C2CD5: variants seen among roughly 807,000 people sequenced by gnomAD.
The protein encoded by C2CD5 is C2 calcium dependent domain containing 5, also known as C2 domain-containing protein 5.
Under a neutral mutation model 130.3 loss-of-function variants are expected in C2CD5, and 109 were observed. The observed-to-expected ratio is 0.84, with a 90% CI of 0.72 to 0.98. C2CD5 has a LOEUF of 0.98. Ranked by LOEUF, C2CD5 falls within the 50% of genes least tolerant of loss-of-function variation. The probability of loss-of-function intolerance (pLI) is 0.00; values close to 1 mark genes in which losing one functional copy is unlikely to be tolerated. For synonymous variants in C2CD5, 454 were observed against 429.2 expected (o/e 1.06, Z -0.71); for missense variants, 996 against 1,261.8 (o/e 0.79, Z 3.19).
intron 22 of C2CD5, among the ~76,000 whole-genome samples, chr12:22,461,777 C>T (rs1565651287): frequency 6.6e-6 from 1 of 152,092 alleles, no homozygotes; most frequent in Non-Finnish European, 1.5e-5. Context: ...TGTTTATTCC[C>T]TGCCCTCAAA....
At chr12:22,539,095 A>G (rs1952094258) in intron 2 of C2CD5, among the ~76,000 whole-genome samples, 1 of 152,078 alleles carries the variant, frequency 6.6e-6, no homozygotes, top group African/African-American at 2.4e-5. Context: ...CTTCATAGCC[A>G]TACATCTTGA....
intron 26 of C2CD5, among the ~76,000 whole-genome samples, chr12:22,451,723 A>T (rs942428738): frequency 6.6e-6 from 1 of 152,074 alleles, no homozygotes; most frequent in East Asian, 1.9e-4. Context: ...GTTCATTTGG[A>T]AAACCAAACA....
chr12:22,477,316 G>A (rs901984312), intron 15 of C2CD5: 21 of 151,892 alleles, frequency 1.4e-4, no homozygotes, highest in South Asian at 8.3e-4. Flanking sequence ...TGTGGCCAGC[G>A]GCTACCACAG....
In C2CD5 at chr12:22,502,045, A is replaced by C. The variant is rs117863224; in HGVS notation, c.1147+4666T>G. Among the ~76,000 whole-genome samples, 302 of 145,822 alleles carry C rather than the reference A, an allele frequency of 2.1e-3. 8 individuals are homozygous for C. The East Asian group carries it at 0.05, about 24-fold the overall frequency. ...TAGAAATGTACATTATGTTTTTATC[A>C]AAAAAAAAAATTAATTACTTTTGAC... On this transcript the variant is annotated intron_variant, in intron 10 of 26. Coordinates refer to ENST00000446597, the MANE Select transcript of C2CD5 (RefSeq NM_001286176.2).
At chr12:22,477,787 TA>T (rs796507239) in intron 15 of C2CD5, among the ~76,000 whole-genome samples, 1 of 152,106 alleles carries the variant, frequency 6.6e-6, no homozygotes, top group Admixed American at 6.6e-5. Context: ...AGCAAATTTG[TA>T]AAAAAAGAAA....
chr12:22,453,300 T>C (rs530022500), intron 26 of C2CD5, among the ~76,000 whole-genome samples: 96 of 152,322 alleles, frequency 6.3e-4, no homozygotes, highest in African/African-American at 2.0e-3. Flanking sequence ...GGATTTTTGA[T>C]GTGTGCCAAG....
At chr12:22,503,636 A>G (rs978302886) in intron 10 of C2CD5, among the ~76,000 whole-genome samples, 2 of 151,968 alleles carry the variant, frequency 1.3e-5, no homozygotes, top group Non-Finnish European at 2.9e-5. Flanking sequence ...TCAGCCTCCC[A>G]AGTAGCTAGG....
At chr12:22,452,869 C>A (rs1939006386) in intron 26 of C2CD5, among the ~76,000 whole-genome samples, 2 of 152,128 alleles carry the variant, frequency 1.3e-5, no homozygotes, top group Non-Finnish European at 2.9e-5. Context: ...GAGTTCAAGT[C>A]CAGCCTGGGT....
chr12:22,503,503 G>C (rs548995050), intron 10 of C2CD5, among the ~76,000 whole-genome samples: 2 of 152,156 alleles, frequency 1.3e-5, no homozygotes, highest in South Asian at 4.1e-4. Flanking sequence ...ACAATCCGAA[G>C]AATGTGACAT....
chr12:22,460,571 C>A (rs1465636681), intron 22 of C2CD5: 1 of 151,762 alleles, frequency 6.6e-6, no homozygotes, highest in Non-Finnish European at 1.5e-5. Flanking sequence ...CTCACCACAC[C>A]CCACCAACAC....
At chr12:22,523,241 C>T (rs562180932) in intron 7 of C2CD5, among the ~76,000 whole-genome samples, 185 bp downstream of exon 7, 14 of 151,870 alleles carry the variant, frequency 9.2e-5, no homozygotes, top group East Asian at 5.8e-4. Context: ...ATAAATAAGA[C>T]GGTATAAATA....
At chr12:22,478,550 A>G in intron 14 of C2CD5, 73 bp from the exon 15 acceptor site, 1 of 1,358,220 alleles carries the variant, frequency 7.4e-7, no homozygotes. Flanking sequence ...TTCATATTTA[A>G]GAATGTGGTC....
rs188714444 is a variant in C2CD5, at chr12:22,490,985, G to A, written c.1263-767C>T. 2.5e-3 allele frequency among the ~76,000 whole-genome samples: 381 copies of A among 152,234 alleles called. 4 individuals carry two copies. The highest frequency in any genetic ancestry group is 8.9e-3 in the African/African-American group (371 of 41,532). Reference sequence around the variant, plus strand: ...TCACTTGAACTGTAAATAAAATAAAGGAAGACCAGGCTTAAAGTGTAGGTA... The same window carrying A: ...TCACTTGAACTGTAAATAAAATAAAAGAAGACCAGGCTTAAAGTGTAGGTA... On this transcript the variant is annotated intron_variant, in intron 11 of 26. Coordinates refer to ENST00000446597, the MANE Select transcript of C2CD5 (RefSeq NM_001286176.2).
chr12:22,484,897 A>G lies in C2CD5; in HGVS notation c.1359-9T>C, dbSNP rs1945263337. 1.5e-6 allele frequency: 2 copies of G among 1,352,426 alleles called. No individual in the cohort carries two copies. Among genetic ancestry groups the G allele is most frequent in the Non-Finnish European group, 2.0e-6 (2 of 1,011,496 alleles). The allele number at this position is 1,352,426 out of a possible 1,614,324, so 83.8% of individuals were successfully genotyped here. A position where few individuals can be genotyped will look rare whatever the true frequency, so the allele number is the denominator to read the frequency against. On this transcript the variant is annotated splice_polypyrimidine_tract_variant and intron_variant, in intron 12 of 26. Coordinates refer to ENST00000446597, the MANE Select transcript of C2CD5 (RefSeq NM_001286176.2). ...GCAAATTTTCTTCAAGCCTATATAA[A>G]TAAATAAAAAAATAAGATATTCTTT...
chr12:22,508,934 T>C (rs897862933), intron 9 of C2CD5, among the ~76,000 whole-genome samples: 4 of 151,240 alleles, frequency 2.6e-5, no homozygotes, highest in Non-Finnish European at 5.9e-5. Context: ...CGGACTGCAG[T>C]GGCGCAATCT....
intron 2 of C2CD5, among the ~76,000 whole-genome samples, chr12:22,543,850 G>A (rs777910422): frequency 2.0e-5 from 3 of 152,140 alleles, no homozygotes; most frequent in South Asian, 2.1e-4. Context: ...GCCTCCCCGC[G>A]CAGCGGACTG....
rs778740215 is a variant in C2CD5, at chr12:22,482,718, G to C, written c.1576C>G (p.Gln526Glu). 6.2e-7 allele frequency: 1 copy of C among 1,613,388 alleles called. No individual in the cohort carries two copies. Among genetic ancestry groups the C allele is most frequent in the South Asian group, 1.1e-5 (1 of 91,060 alleles). The change falls in exon 14 of 27, where the codon CAG becomes GAG. Residue 526 changes from glutamine to glutamate, a missense_variant. Gln to Glu is a conservative substitution (Grantham distance 29). Transcript: ENST00000446597. ...ARLCRLKKKA[Q>E]AEANATAISN... ...ATAGCTGTAGCATTTGCTTCTGCCT[G>C]TGCTTTCTTTTTTAAGCGACATAAC...
At position 22,472,746 on chromosome 12, in the gene C2CD5, G is replaced by C; in HGVS notation, c.2105C>G (p.Ser702Ter). The C allele has an allele frequency of 1.3e-6, 2 of 1,545,646 alleles. No individual in the cohort carries two copies. The highest frequency in any genetic ancestry group is 1.8e-6 in the Non-Finnish European group (2 of 1,118,508). The stretch of plus-strand genomic sequence containing the variant: ...TCAAAGATAACTTTTTTGTTCACCT[G>C]AAGGAGGAGGAACATCAGTAAGTAG... Reference protein sequence around the residue: ...HSLLTDVPPPSGFYSCNTEIM... With the variant: ...HSLLTDVPPP The change falls in exon 17 of 27, where the codon TCA becomes TGA. Residue 702 changes from serine (S) to a stop codon, truncating the protein, a stop_gained and splice_region_variant. Transcript: ENST00000446597. LOFTEE classifies it high-confidence loss of function.
At chr12:22,541,683 G>C (rs1206037166) in intron 2 of C2CD5, among the ~76,000 whole-genome samples, 3 of 152,290 alleles carry the variant, frequency 2.0e-5, no homozygotes, top group Non-Finnish European at 4.4e-5. Context: ...TCTTGGTTTT[G>C]ACAAACACTT....
Sources: allele counts gnomAD v4.1 joint callset (sites outside exome capture counted in the v4.1 genomes callset), GRCh38; gene constraint gnomAD v4.1.1; transcripts MANE v1.5; gene names NCBI Gene and HGNC (gene_info 2026-07-23, HGNC 2026-07-21).